TMEM200A: variants seen among roughly 807,000 people sequenced by gnomAD.
The protein encoded by TMEM200A is transmembrane protein 200A, also known as two transmembrane C.
In TMEM200A, 12 loss-of-function variants were observed where a neutral mutation model predicts 24.3. That is an observed-to-expected ratio of 0.49 (90% CI 0.32 to 0.80). TMEM200A has a LOEUF of 0.80. Ranked by LOEUF, TMEM200A falls within the 30% of genes least tolerant of loss-of-function variation. The pLI is 0.04. For synonymous variants in TMEM200A, 224 were observed against 224.4 expected, an observed-to-expected ratio of 1.00 and a Z score of 0.02; for missense variants, 545 against 614.4, an observed-to-expected ratio of 0.89 and a Z score of 1.19.
At chr6:130,405,554 A>T (rs970518595) in intron 2 of TMEM200A, among the ~76,000 whole-genome samples, 1 of 152,168 alleles carries the variant, frequency 6.6e-6, no homozygotes, top group East Asian at 1.9e-4. Flanking sequence ...TGGTAGGAGA[A>T]TCATTCTAAC....
At chr6:130,398,232 G>A (rs1230986239) in intron 2 of TMEM200A, among the ~76,000 whole-genome samples, 1 of 152,026 alleles carries the variant, frequency 6.6e-6, no homozygotes, top group Non-Finnish European at 1.5e-5. Flanking sequence ...GTTGGTTTTC[G>A]ATTCCTGTGT....
At chr6:130,414,401 C>T (rs1779400710) in intron 2 of TMEM200A, among the ~76,000 whole-genome samples, 1 of 140,792 alleles carries the variant, frequency 7.1e-6, no homozygotes, top group South Asian at 2.2e-4. Flanking sequence ...TGCTGCACTC[C>T]AGCCTGGGTG....
intron 2 of TMEM200A, among the ~76,000 whole-genome samples, chr6:130,419,269 A>G (rs2115177915): frequency 6.6e-6 from 1 of 152,248 alleles, no homozygotes; most frequent in African/African-American, 2.4e-5. Flanking sequence ...TTTGTGGCCA[A>G]ATAGTATTCC....
chr6:130,409,400 C>T (rs1779282429), intron 2 of TMEM200A, among the ~76,000 whole-genome samples: 3 of 152,142 alleles, frequency 2.0e-5, no homozygotes, highest in Admixed American at 2.0e-4. Context: ...AATACCTGGT[C>T]TCAGGACAGA....
At chr6:130,371,375 A>G (rs1301335375) in intron 1 of TMEM200A, among the ~76,000 whole-genome samples, 1 of 152,184 alleles carries the variant, frequency 6.6e-6, no homozygotes, top group East Asian at 1.9e-4. Context: ...TAACTTACTG[A>G]AGGTTATGAG....
intron 1 of TMEM200A, among the ~76,000 whole-genome samples, chr6:130,369,533 A>G (rs1454761234): frequency 6.6e-6 from 1 of 152,124 alleles, no homozygotes. Context: ...TTGATGTTTA[A>G]TCTTACTGCT....
chr6:130,370,607 C>T (rs887190706), intron 1 of TMEM200A, among the ~76,000 whole-genome samples: 1 of 152,244 alleles, frequency 6.6e-6, no homozygotes, highest in South Asian at 2.1e-4. Flanking sequence ...CAAGACAATG[C>T]GTATCCCAAA....
intron 1 of TMEM200A, among the ~76,000 whole-genome samples, chr6:130,371,741 C>T (rs1223663559): frequency 6.6e-6 from 1 of 152,202 alleles, no homozygotes; most frequent in East Asian, 1.9e-4. Context: ...GGAAAATTAT[C>T]AGGCAGTTGA....
At chr6:130,423,207 C>T (rs1779645501) in intron 2 of TMEM200A, among the ~76,000 whole-genome samples, 1 of 152,140 alleles carries the variant, frequency 6.6e-6, no homozygotes, top group Non-Finnish European at 1.5e-5. Flanking sequence ...ATCTGTTCTC[C>T]ATGTGCCTCT....
chr6:130,416,635 G>C (rs1779462639), intron 2 of TMEM200A, among the ~76,000 whole-genome samples: 1 of 152,106 alleles, frequency 6.6e-6, no homozygotes, highest in Non-Finnish European at 1.5e-5. Context: ...CCTGGTTCAA[G>C]CTGCTATCAT....
At chr6:130,383,795 C>A (rs1447026771) in intron 1 of TMEM200A, among the ~76,000 whole-genome samples, 1 of 151,972 alleles carries the variant, frequency 6.6e-6, no homozygotes, top group African/African-American at 2.4e-5. Context: ...CCCATAGAAC[C>A]TCGTAGGAAT....
At chr6:130,437,818 CAT>C (rs2115231856) in intron 2 of TMEM200A, 1 of 152,238 alleles carries the variant, frequency 6.6e-6, no homozygotes, top group South Asian at 2.1e-4. Context: ...TTTCTGTCCT[CAT>C]ATATTTTTCT....
intron 1 of TMEM200A, among the ~76,000 whole-genome samples, chr6:130,382,145 G>A (rs149720143): frequency 6.6e-6 from 1 of 152,084 alleles, no homozygotes; most frequent in Non-Finnish European, 1.5e-5. Context: ...TGAAACCTTG[G>A]GCAAATTACT....
intron 2 of TMEM200A, among the ~76,000 whole-genome samples, chr6:130,405,863 A>G (rs1248469666): frequency 2.0e-5 from 3 of 152,086 alleles, no homozygotes; most frequent in African/African-American, 7.2e-5. Context: ...CATGCTTAAC[A>G]CTTCACTGGC....
chr6:130,441,307 T>G lies in TMEM200A; in HGVS notation c.885T>G (p.Leu295=). 2 of 1,614,148 alleles carry G rather than the reference T, an allele frequency of 1.2e-6. No individual in the cohort carries two copies. The highest frequency in any genetic ancestry group is 1.7e-6 in the Non-Finnish European group (2 of 1,180,000). ...CTTTTACATTGCCTGTGATCAAACT[T>G]AATAACTGTGTTATTGATGAGCCCA... ...ISAFTLPVIK[L]NNCVIDEPSI... is the part of the protein sequence containing the mutation. Residue 295 remains leucine (L), a synonymous_variant, in exon 3 of 3, where the codon CTT becomes CTG. Transcript: ENST00000296978.
rs747500764 is a variant in TMEM200A, at chr6:130,440,578, T to C, written c.156T>C (p.Arg52=). 1 of 1,614,120 alleles carries C rather than the reference T, an allele frequency of 6.2e-7. No individual in the cohort carries two copies. Among genetic ancestry groups the C allele is most frequent in the South Asian group, 1.1e-5 (1 of 91,080 alleles). Reference sequence around the variant, plus strand: ...CCCGGGCAGATGTTGTGGTTGTTCGTGGCAAAATCCGGCTTTATTCCCCAT... The same window carrying C: ...CCCGGGCAGATGTTGTGGTTGTTCGCGGCAAAATCCGGCTTTATTCCCCAT... ...RRPRADVVVV[R]GKIRLYSPSG... Residue 52 remains arginine, a synonymous_variant, in exon 3 of 3, where the codon CGT becomes CGC. Transcript: ENST00000296978.
intron 2 of TMEM200A, among the ~76,000 whole-genome samples, chr6:130,432,171 G>T (rs12193479): frequency 0.25 from 37,653 of 152,016 alleles, 6,028 homozygotes; most frequent in African/African-American, 0.46. Flanking sequence ...ATGTTCCTCT[G>T]CATTTTCAGT....
intron 2 of TMEM200A, 39 bp from the exon 3 acceptor site, chr6:130,440,368 T>C: frequency 2.7e-6 from 4 of 1,497,682 alleles, no homozygotes; most frequent in Non-Finnish European, 3.6e-6. Context: ...CCCAGGAACA[T>C]ATTTACATCA....
intron 2 of TMEM200A, among the ~76,000 whole-genome samples, chr6:130,394,019 T>C (rs527508069): frequency 6.6e-6 from 1 of 152,312 alleles, no homozygotes; most frequent in Admixed American, 6.5e-5. Flanking sequence ...GTTCCCATTA[T>C]TTTACACTGC....
Sources: allele counts gnomAD v4.1 joint callset (sites outside exome capture counted in the v4.1 genomes callset), GRCh38; gene constraint gnomAD v4.1.1; transcripts MANE v1.5; gene names NCBI Gene and HGNC (gene_info 2026-07-23, HGNC 2026-07-21).